The following SDK1 variants were observed in gnomAD, a reference collection of about 807,000 sequenced individuals.
SDK1 encodes the protein protein sidekick-1.
SDK1 carries 157 observed loss-of-function variants against 245.5 expected under a neutral mutation model. The ratio of observed to expected loss-of-function variants is 0.64; its 90% CI spans 0.56 to 0.73. The LOEUF (loss-of-function observed/expected upper bound fraction) is 0.73. Among genes scored for constraint, SDK1 ranks in the 30% least tolerant of loss-of-function variants. SDK1 has a pLI of 0.00. For synonymous variants in SDK1, 1,647 were observed against 1,278.5 expected, an observed-to-expected ratio of 1.29 and a Z score of -6.15; for missense variants, 3,583 against 3,002.3, an observed-to-expected ratio of 1.19 and a Z score of -4.52.
chr7:3,887,986 A>G (rs984777615), intron 5 of SDK1, among the ~76,000 whole-genome samples: 1 of 152,198 alleles, frequency 6.6e-6, no homozygotes, highest in Admixed American at 6.5e-5. Flanking sequence ...AGTGACCACT[A>G]TGTAGTTCTT....
intron 2 of SDK1, among the ~76,000 whole-genome samples, chr7:3,638,775 A>T (rs936387439): frequency 6.6e-6 from 1 of 151,830 alleles, no homozygotes; most frequent in African/African-American, 2.4e-5. Flanking sequence ...CCTAAAACTT[A>T]AAGTATAATA....
intron 20 of SDK1, among the ~76,000 whole-genome samples, chr7:4,074,876 C>A (rs1420428011): frequency 6.4e-5 from 6 of 93,904 alleles, no homozygotes; most frequent in African/African-American, 4.1e-4. Context: ...CTCTCTCTCT[C>A]TCTCTCTCTG....
At chr7:3,977,923 C>T (rs1235920414) in intron 13 of SDK1, among the ~76,000 whole-genome samples, 1 of 152,186 alleles carries the variant, frequency 6.6e-6, no homozygotes, top group Non-Finnish European at 1.5e-5. Context: ...GGGCCTCCTT[C>T]TGTTCCCTAC....
At chr7:4,237,134 C>A (rs1786216792) in intron 41 of SDK1, among the ~76,000 whole-genome samples, 1 of 152,122 alleles carries the variant, frequency 6.6e-6, no homozygotes, top group African/African-American at 2.4e-5. Context: ...TTAAGCCATC[C>A]TCCCACCTCA....
chr7:4,152,160 A>G (rs1780426233), intron 30 of SDK1, among the ~76,000 whole-genome samples: 1 of 152,190 alleles, frequency 6.6e-6, no homozygotes, highest in Non-Finnish European at 1.5e-5. Context: ...GCTGACCGCC[A>G]CGGAACTGGC....
intron 1 of SDK1, among the ~76,000 whole-genome samples, chr7:3,493,465 G>C (rs1446305357): frequency 2.6e-5 from 4 of 152,132 alleles, no homozygotes; most frequent in Admixed American, 1.3e-4. Flanking sequence ...TTCTAGTGTG[G>C]TGTGCTGTTC....
rs540596532 is a variant in SDK1 at position 3,612,058 on chromosome 7, A to C, written c.299-7022A>C. ...TGGGAGCTAAGCTGTGAGGATGCCT[A>C]AGAATGATACAATGGACTTTGGGGA... On this transcript the variant is annotated intron_variant, in intron 1 of 44. Coordinates refer to ENST00000404826, the MANE Select transcript of SDK1 (RefSeq NM_152744.4). Among the ~76,000 whole-genome samples the C allele has an allele frequency of 5.9e-5, 9 of 152,254 alleles. No homozygotes were observed. The East Asian group carries it at 1.4e-3, about 23-fold the overall frequency.
intron 4 of SDK1, among the ~76,000 whole-genome samples, chr7:3,817,874 A>G (rs533384467): frequency 6.7e-4 from 102 of 152,336 alleles, no homozygotes; most frequent in African/African-American, 2.4e-3. Context: ...GCGAGTGCTC[A>G]CTGGAAATGG....
At chr7:4,161,958 T>A in intron 32 of SDK1, 102 bp downstream of exon 32, 1 of 1,070,018 alleles carries the variant, frequency 9.3e-7, no homozygotes, top group South Asian at 1.3e-5. Context: ...AGCCCTGAGC[T>A]AAGCGTTTGA....
chr7:4,057,512 C>A (rs116464905), intron 19 of SDK1, among the ~76,000 whole-genome samples: 5,868 of 152,298 alleles, frequency 0.039, 191 homozygotes, highest in African/African-American at 0.082. Flanking sequence ...ACCACTGCTA[C>A]TGTCACTGCC....
chr7:3,324,511 C>A (rs1779894956), intron 1 of SDK1, among the ~76,000 whole-genome samples: 1 of 152,018 alleles, frequency 6.6e-6, no homozygotes, highest in Non-Finnish European at 1.5e-5. Context: ...GGAGGTGGCT[C>A]TTGGAAGTTT....
At chr7:3,370,434 T>C (rs1364010076) in intron 1 of SDK1, among the ~76,000 whole-genome samples, 1 of 152,222 alleles carries the variant, frequency 6.6e-6, no homozygotes, top group Non-Finnish European at 1.5e-5. Flanking sequence ...TTTCTTCTTT[T>C]ATAAAAAGCA....
chr7:3,628,355 T>A (rs1782182885), intron 2 of SDK1, among the ~76,000 whole-genome samples: 1 of 152,140 alleles, frequency 6.6e-6, no homozygotes, highest in African/African-American at 2.4e-5. Context: ...ATATATATAT[T>A]TTGTAGAGAT....
intron 1 of SDK1, among the ~76,000 whole-genome samples, chr7:3,384,108 G>A (rs2340847): frequency 0.13 from 20,381 of 152,084 alleles, 1,643 homozygotes; most frequent in African/African-American, 0.23. Flanking sequence ...AGTTATCACT[G>A]TATTTATTTG....
chr7:4,110,809 C>T (rs754569847), intron 23 of SDK1, 37 bp downstream of exon 23: 5 of 1,443,610 alleles, frequency 3.5e-6, no homozygotes, highest in East Asian at 4.5e-5. Flanking sequence ...CAGGAGGAAA[C>T]ACTGGCAGCC....
intron 30 of SDK1, among the ~76,000 whole-genome samples, chr7:4,150,201 C>CCAGG (rs1780264020): frequency 6.6e-6 from 1 of 152,182 alleles, no homozygotes; most frequent in Non-Finnish European, 1.5e-5. Flanking sequence ...CATGCCCTGA[C>CCAGG]CAGGCCCTCC....
At chr7:3,840,827 A>G (rs540694495) in intron 5 of SDK1, among the ~76,000 whole-genome samples, 248 of 152,340 alleles carry the variant, frequency 1.6e-3, no homozygotes, top group African/African-American at 5.6e-3. Context: ...CTTAGGACCC[A>G]TGCCAGACCT....
intron 4 of SDK1, among the ~76,000 whole-genome samples, chr7:3,779,800 C>T (rs564225265): frequency 2.8e-4 from 43 of 152,020 alleles, no homozygotes; most frequent in South Asian, 1.0e-3. Context: ...GGCGCGGTGG[C>T]GGGCGCCTGT....
chr7:4,141,647 T>C (rs1779588506), intron 28 of SDK1, among the ~76,000 whole-genome samples: 1 of 152,180 alleles, frequency 6.6e-6, no homozygotes, highest in Admixed American at 6.5e-5. Context: ...GAAAGGCATG[T>C]TCCTGGCCAT....
Sources: gnomAD v4.1 joint callset for allele counts (sites outside exome capture counted in the v4.1 genomes callset) on GRCh38, gnomAD v4.1.1 for gene constraint, MANE v1.5 for transcripts, NCBI Gene and HGNC (gene_info 2026-07-23, HGNC 2026-07-21) for gene names.